The following LRRC4C variants were observed in gnomAD, a reference collection of about 807,000 sequenced individuals.
The protein encoded by LRRC4C is leucine-rich repeat-containing protein 4C.
A neutral mutation model predicts 33.6 loss-of-function variants in LRRC4C; 5 were observed. That is an observed-to-expected ratio of 0.15 (90% CI 0.08 to 0.31). The LOEUF (loss-of-function observed/expected upper bound fraction) is 0.31. LRRC4C is among the 10% of genes least tolerant of loss of function. The probability of loss-of-function intolerance (pLI) is 1.00; values close to 1 mark genes in which losing one functional copy is unlikely to be tolerated. For missense variants in LRRC4C, 560 were observed against 796.7 expected, an observed-to-expected ratio of 0.70 and a Z score of 3.58; for synonymous variants, 329 against 302.0, an observed-to-expected ratio of 1.09 and a Z score of -0.93.
chr11:40,732,113 G>A (rs61887977), intron 2 of LRRC4C, among the ~76,000 whole-genome samples: 4,118 of 151,858 alleles, frequency 0.027, 84 homozygotes, highest in Middle Eastern at 0.041. Context: ...CTATAATTGC[G>A]TTTCTTCTGT....
rs576164980 is a variant in LRRC4C, at chr11:41,266,195, T to C, written c.-496+193236A>G. 3.3e-5 allele frequency among the ~76,000 whole-genome samples: 5 copies of C among 152,184 alleles called. No individual in the cohort carries two copies. The East Asian group carries it at 5.8e-4, about 18-fold the overall frequency. On this transcript the variant is annotated intron_variant, in intron 1 of 6. Transcript: ENST00000528697. Reference sequence around the variant, plus strand: ...AAATGATATAAATAGACTTAGAACATGGAAATTTGATCAAATAAGATACTT... The same window carrying C: ...AAATGATATAAATAGACTTAGAACACGGAAATTTGATCAAATAAGATACTT...
At chr11:40,164,080 C>T (rs1373684764) in intron 5 of LRRC4C, among the ~76,000 whole-genome samples, 2 of 152,052 alleles carry the variant, frequency 1.3e-5, no homozygotes, top group Admixed American at 1.3e-4. Context: ...GGTCATGTGT[C>T]AAAGAACTCT....
chr11:40,820,599 A>G (rs930422356), intron 2 of LRRC4C, among the ~76,000 whole-genome samples: 1 of 151,930 alleles, frequency 6.6e-6, no homozygotes, highest in Admixed American at 6.6e-5. Flanking sequence ...GAACAAAATT[A>G]TTATCTTTAT....
At chr11:40,508,689 T>C (rs1955158441) in intron 3 of LRRC4C, among the ~76,000 whole-genome samples, 1 of 152,166 alleles carries the variant, frequency 6.6e-6, no homozygotes, top group Non-Finnish European at 1.5e-5. Flanking sequence ...ATGAATACTT[T>C]TAGAATGAAT....
At chr11:41,272,223 C>T (rs1033211660) in intron 1 of LRRC4C, among the ~76,000 whole-genome samples, 4 of 152,070 alleles carry the variant, frequency 2.6e-5, no homozygotes, top group African/African-American at 9.7e-5. Flanking sequence ...TGTGGCGATG[C>T]TGTGGATGTC....
intron 2 of LRRC4C, among the ~76,000 whole-genome samples, chr11:40,657,539 T>A (rs1449123509): frequency 1.3e-5 from 2 of 152,198 alleles, no homozygotes; most frequent in African/African-American, 4.8e-5. Flanking sequence ...TCTAGTTGTC[T>A]CCTTTGGAAA....
Position 40,115,477 on chromosome 11 carries a change from G to C in LRRC4C, c.816C>G (p.Ile272Met), listed in dbSNP as rs1270436149. The C allele has an allele frequency of 4.3e-6, 7 of 1,614,084 alleles. No homozygotes were observed. The highest frequency in any genetic ancestry group is 5.1e-6 in the Non-Finnish European group (6 of 1,180,044). ...AFDNLQSLVE[I>M]NLAHNNLTLL... ...ATGTTAGATTATTGTGTGCCAGGTT[G>C]ATCTCCACTAGTGACTGAAGGTTGT... Residue 272 changes from isoleucine (I) to methionine (M), a missense_variant, in exon 7 of 7, where the codon ATC becomes ATG. Ile to Met is a conservative substitution (Grantham distance 10). This residue lies in a region of LRRC4C where 455 missense variants were observed against 643.8 expected (regional missense o/e 0.71). Transcript: ENST00000528697. This position sits in a 1 kb window ranked among gnomAD's most constrained non-coding sequence, Gnocchi z 6.7.
chr11:41,051,736 C>T (rs1177581421), intron 1 of LRRC4C, among the ~76,000 whole-genome samples: 3 of 151,876 alleles, frequency 2.0e-5, no homozygotes, highest in Non-Finnish European at 2.9e-5. Context: ...CCAGCCTGGG[C>T]CTCTATGTTA....
chr11:41,356,316 C>T (rs1383269830), intron 1 of LRRC4C, among the ~76,000 whole-genome samples: 1 of 152,140 alleles, frequency 6.6e-6, no homozygotes, highest in Non-Finnish European at 1.5e-5. Flanking sequence ...GTAGATCACA[C>T]TGTGTCTTTG....
intron 1 of LRRC4C, among the ~76,000 whole-genome samples, chr11:41,065,808 C>G (rs779076782): frequency 3.3e-5 from 5 of 152,100 alleles, no homozygotes; most frequent in African/African-American, 1.2e-4. Context: ...CTGCAGCAGA[C>G]GTGCCGAAGA....
At chr11:41,074,032 G>T (rs954108084) in intron 1 of LRRC4C, among the ~76,000 whole-genome samples, 8 of 152,124 alleles carry the variant, frequency 5.3e-5, no homozygotes, top group Admixed American at 3.3e-4. Context: ...TGCTATTTCA[G>T]ATACAACTTT....
intron 3 of LRRC4C, among the ~76,000 whole-genome samples, chr11:40,615,607 G>A (rs974725163): frequency 1.1e-4 from 17 of 151,720 alleles, no homozygotes; most frequent in African/African-American, 3.6e-4. Flanking sequence ...TGTTCTCACA[G>A]CATTAAATAA....
chr11:41,379,871 G>C (rs1369202746), intron 1 of LRRC4C, among the ~76,000 whole-genome samples: 1 of 152,074 alleles, frequency 6.6e-6, no homozygotes, highest in African/African-American at 2.4e-5. Flanking sequence ...TAGTCTTTCT[G>C]TCTAAAACCA....
intron 1 of LRRC4C, among the ~76,000 whole-genome samples, chr11:41,034,981 T>C (rs114105454): frequency 0.016 from 2,365 of 150,672 alleles, 76 homozygotes; most frequent in African/African-American, 0.054. Context: ...GTTATGTTAT[T>C]TTGTTTTTAT....
At chr11:40,338,852 T>C (rs1018113566) in intron 3 of LRRC4C, among the ~76,000 whole-genome samples, 9 of 152,170 alleles carry the variant, frequency 5.9e-5, no homozygotes, top group East Asian at 5.8e-4. Flanking sequence ...GCCACTAGAC[T>C]ATAAAAAGAG....
intron 1 of LRRC4C, among the ~76,000 whole-genome samples, chr11:40,993,090 C>T (rs1222645785): frequency 6.6e-6 from 1 of 152,120 alleles, no homozygotes; most frequent in African/African-American, 2.4e-5. Flanking sequence ...TTTTAGTTGA[C>T]TAAGTATTTA....
At chr11:40,640,055 T>G (rs542867083) in intron 3 of LRRC4C, among the ~76,000 whole-genome samples, 1 of 152,308 alleles carries the variant, frequency 6.6e-6, no homozygotes, top group East Asian at 1.9e-4. Context: ...TACCTATCAC[T>G]TCTCAGACCT....
chr11:40,199,146 C>T lies in LRRC4C; in HGVS notation c.-96+42373G>A, dbSNP rs375348897. The stretch of plus-strand genomic sequence containing the variant: ...AGTTCAGTGGGGCAATCTTGGCTGA[C>T]AGCAACCTCTGCCTTCTGGGTTCAA... On this transcript the variant is annotated intron_variant, in intron 5 of 6. Transcript: ENST00000528697. Among the ~76,000 whole-genome samples, 48 of 152,304 alleles carry T rather than the reference C, an allele frequency of 3.2e-4. 1 individual carries two copies. The South Asian group carries it at 1.0e-2, about 32-fold the overall frequency.
chr11:40,370,787 C>T (rs1165719676), intron 3 of LRRC4C, among the ~76,000 whole-genome samples: 1 of 152,110 alleles, frequency 6.6e-6, no homozygotes, highest in African/African-American at 2.4e-5. Context: ...GTTTATTTTC[C>T]ATGAGATGAA....
Sources: gnomAD v4.1 joint callset for allele counts (sites outside exome capture counted in the v4.1 genomes callset) on GRCh38, gnomAD v4.1.1 for gene constraint, gnomAD v4.1.1 regional missense constraint, Gnocchi (gnomAD v3.1) non-coding constraint, MANE v1.5 for transcripts, NCBI Gene and HGNC (gene_info 2026-07-23, HGNC 2026-07-21) for gene names.